The following C4BPA variants were observed in gnomAD, a reference collection of about 807,000 sequenced individuals.
C4BPA encodes the protein complement component 4 binding protein alpha, also known as C4b-binding protein alpha chain.
Under a neutral mutation model 63.7 loss-of-function variants are expected in C4BPA, and 31 were observed. That is an observed-to-expected ratio of 0.49 (90% CI 0.37 to 0.66). The LOEUF (loss-of-function observed/expected upper bound fraction) is 0.66. Among genes scored for constraint, C4BPA ranks in the 30% least tolerant of loss-of-function variants. The pLI is 0.00. For synonymous variants in C4BPA, 259 were observed against 254.7 expected, an observed-to-expected ratio of 1.02 and a Z score of -0.16; for missense variants, 572 against 723.3, an observed-to-expected ratio of 0.79 and a Z score of 2.40.
chr1:207,124,502 T>G (rs1684994268), intron 6 of C4BPA, 136 bp downstream of exon 6: 6 of 669,488 alleles, frequency 9.0e-6, no homozygotes, highest in Middle Eastern at 3.2e-4. Context: ...ATCATTTATT[T>G]GGCCACCTGA....
chr1:207,122,192 T>G (rs890905045), intron 4 of C4BPA, among the ~76,000 whole-genome samples: 4 of 152,214 alleles, frequency 2.6e-5, no homozygotes, highest in African/African-American at 9.6e-5. Context: ...CTGTAGTTTG[T>G]CCTATGGTGG....
intron 8 of C4BPA, among the ~76,000 whole-genome samples, chr1:207,132,828 G>C (rs143381830): frequency 2.0e-5 from 3 of 152,198 alleles, no homozygotes; most frequent in African/African-American, 7.2e-5. Flanking sequence ...TTTGAGACCA[G>C]CCTGGGCAAT....
chr1:207,112,149 C>T (rs935765777), intron 1 of C4BPA, among the ~76,000 whole-genome samples: 6 of 151,486 alleles, frequency 4.0e-5, no homozygotes, highest in Non-Finnish European at 7.4e-5. Flanking sequence ...TCTATATAGT[C>T]TGATTTAAAA....
At chr1:207,124,403 GCTCTCT>G (rs1241226025) in intron 6 of C4BPA, 37 bp downstream of exon 6, 11 of 1,493,804 alleles carry the variant, frequency 7.4e-6, no homozygotes, top group African/African-American at 1.4e-5. Flanking sequence ...CAAAATGTTT[GCTCTCT>G]TTTGTTTAAA....
At position 207,133,653 on chromosome 1, in the gene C4BPA, C is replaced by T. The variant is rs1228328077; in HGVS notation, c.1085-751C>T. On this transcript the variant is annotated intron_variant, in intron 8 of 11. Transcript: ENST00000367070. ...TGGCACACACCTGTAGTCCCAGCTA[C>T]TCAGGAGGCTTAGGTGGGAGAATTG... Among the ~76,000 whole-genome samples the T allele has an allele frequency of 3.3e-5, 5 of 152,256 alleles. No homozygotes were observed. The South Asian group carries it at 1.0e-3, about 32-fold the overall frequency.
intron 10 of C4BPA, among the ~76,000 whole-genome samples, chr1:207,142,584 T>A (rs1267584383): frequency 2.6e-5 from 4 of 152,256 alleles, no homozygotes; most frequent in Middle Eastern, 3.4e-3. Context: ...GCATCTGTTG[T>A]TTCCTGACTT....
At chr1:207,143,751 T>C in intron 10 of C4BPA, 67 bp from the exon 11 acceptor site, 1 of 1,082,306 alleles carries the variant, frequency 9.2e-7, no homozygotes, top group Non-Finnish European at 1.4e-6. Context: ...ATTCTTATTA[T>C]CCGAGACTGT....
rs17020927 is a variant in C4BPA at position 207,112,835 on chromosome 1, A to G, written c.-25-166A>G. ...GAGCTCACAGCTTCTGCAGAGGCCA[A>G]TCCTTACTGTCTTGTGCTGTAACAT... On this transcript the variant is annotated intron_variant, in intron 1 of 11. Transcript: ENST00000367070. 753 of 583,620 alleles carry G rather than the reference A, an allele frequency of 1.3e-3. 9 individuals are homozygous for G. In the African/African-American group the frequency reaches 0.013, roughly 10 times the overall value. The allele number at this position is 583,620 out of a possible 1,614,324, so 36.2% of individuals were successfully genotyped here.
chr1:207,140,942 T>C (rs1685400550), intron 9 of C4BPA, among the ~76,000 whole-genome samples, 164 bp from the exon 10 acceptor site: 1 of 152,194 alleles, frequency 6.6e-6, no homozygotes, highest in Admixed American at 6.5e-5. Context: ...GCTTGAGGCT[T>C]ACAGGAGGAG....
intron 4 of C4BPA, among the ~76,000 whole-genome samples, chr1:207,116,486 T>A (rs528053989): frequency 2.6e-5 from 4 of 151,130 alleles, no homozygotes; most frequent in Non-Finnish European, 5.9e-5. Context: ...ATACTGTAAC[T>A]TTTCCCACAG....
In C4BPA at chr1:207,144,763, T is replaced by C; in HGVS notation, c.*46T>C. 1.4e-6 allele frequency: 2 copies of C among 1,414,408 alleles called. No individual in the cohort carries two copies. Among genetic ancestry groups the C allele is most frequent in the South Asian group, 2.7e-5 (2 of 74,976 alleles). 87.6% of individuals were successfully genotyped at this position (1,414,408 alleles called of 1,614,324 possible). On this transcript the variant is annotated 3_prime_UTR_variant, in exon 12 of 12. Coordinates refer to ENST00000367070, the MANE Select transcript of C4BPA (RefSeq NM_000715.4). ...AAAAGGTGTCTTGCTGGCTTGCCTC[T>C]TGCAATTCAATACAGATCAGTTTAG...
At chr1:207,132,968 TGAGCCGA>T (rs1052610186) in intron 8 of C4BPA, among the ~76,000 whole-genome samples, 1 of 152,184 alleles carries the variant, frequency 6.6e-6, no homozygotes, top group Non-Finnish European at 1.5e-5. Flanking sequence ...AAAGCTGCAG[TGAGCCGA>T]GATCATGCCA....
intron 7 of C4BPA, 144 bp downstream of exon 7, chr1:207,127,039 C>A (rs1685060908): frequency 6.5e-6 from 4 of 612,836 alleles, no homozygotes; most frequent in Non-Finnish European, 1.1e-5. Flanking sequence ...TTATTTTTTT[C>A]TTGTTGGAAA....
At chr1:207,128,281 G>C (rs1306273673) in intron 7 of C4BPA, among the ~76,000 whole-genome samples, 1 of 152,146 alleles carries the variant, frequency 6.6e-6, no homozygotes, top group Non-Finnish European at 1.5e-5. Flanking sequence ...CAGCTGGGTG[G>C]CAGTGCCAGT....
Position 207,124,328 on chromosome 1 carries a change from CAAT to C in C4BPA, c.670_672del (p.Ile224del). ...ATTTCTTGCACTGTGGAGAATGAAA[CAAT>C]AGGTGTTTGGAGACCAAGCCCTCCT... On this transcript the variant is annotated inframe_deletion, in exon 6 of 12. Transcript: ENST00000367070. 6.2e-7 allele frequency: 1 copy of C among 1,613,756 alleles called. No homozygotes were observed. The highest frequency in any genetic ancestry group is 8.5e-7 in the Non-Finnish European group (1 of 1,179,772).
intron 1 of C4BPA, among the ~76,000 whole-genome samples, chr1:207,112,081 T>A (rs912838342): frequency 2.0e-5 from 3 of 152,046 alleles, no homozygotes; most frequent in Non-Finnish European, 4.4e-5. Context: ...CCAAAGGGAA[T>A]GGGAAGTGGT....
intron 6 of C4BPA, 145 bp downstream of exon 6, chr1:207,124,511 G>A (rs987645211): frequency 7.7e-6 from 5 of 646,408 alleles, no homozygotes; most frequent in Non-Finnish European, 1.3e-5. Flanking sequence ...TTGGCCACCT[G>A]ATACTTATTG....
At chr1:207,123,813 T>A in intron 4 of C4BPA, 109 bp from the exon 5 acceptor site, 2 of 664,484 alleles carry the variant, frequency 3.0e-6, no homozygotes, top group East Asian at 2.7e-5. Flanking sequence ...TCCAAGAACA[T>A]ATGATTTCCT....
chr1:207,127,122 C>T, intron 7 of C4BPA: 1 of 350,540 alleles, frequency 2.9e-6, no homozygotes, highest in East Asian at 4.3e-5. Flanking sequence ...CAAGACTGTG[C>T]ACATTCCAAC....
Sources: gnomAD v4.1 joint callset for allele counts (sites outside exome capture counted in the v4.1 genomes callset) on GRCh38, gnomAD v4.1.1 for gene constraint, MANE v1.5 for transcripts, NCBI Gene and HGNC (gene_info 2026-07-23, HGNC 2026-07-21) for gene names.